DPYD: variants seen among roughly 807,000 people sequenced by gnomAD.
DPYD encodes the protein dihydropyrimidine dehydrogenase.
DPYD carries 109 observed loss-of-function variants against 116.2 expected under a neutral mutation model. That is an observed-to-expected ratio of 0.94 (90% CI 0.80 to 1.10). The LOEUF is 1.10. Ranked by LOEUF, DPYD falls within the 50% of genes least tolerant of loss-of-function variation. The probability of loss-of-function intolerance (pLI) is 0.00; values close to 1 mark genes in which losing one functional copy is unlikely to be tolerated. For synonymous variants in DPYD, 440 were observed against 432.0 expected (o/e 1.02, Z -0.23); for missense variants, 1,302 against 1,254.5 (o/e 1.04, Z -0.57).
chr1:97,241,371 A>C (rs768527366), intron 18 of DPYD, among the ~76,000 whole-genome samples: 6 of 152,012 alleles, frequency 3.9e-5, no homozygotes, highest in Non-Finnish European at 8.8e-5. Flanking sequence ...TACACTGTGT[A>C]CTTTAACCCT....
intron 5 of DPYD, among the ~76,000 whole-genome samples, chr1:97,715,704 G>C (rs766588730): frequency 6.6e-6 from 1 of 151,964 alleles, no homozygotes; most frequent in Non-Finnish European, 1.5e-5. Flanking sequence ...ATAATACACA[G>C]CTAGAGTATT....
intron 8 of DPYD, among the ~76,000 whole-genome samples, chr1:97,647,577 A>C (rs969816088): frequency 2.0e-5 from 3 of 152,018 alleles, no homozygotes; most frequent in Non-Finnish European, 4.4e-5. Context: ...TATACAATGT[A>C]TAATAAAATA....
chr1:97,553,327 G>A (rs949160249), intron 11 of DPYD, among the ~76,000 whole-genome samples: 1 of 151,704 alleles, frequency 6.6e-6, no homozygotes, highest in Non-Finnish European at 1.5e-5. Flanking sequence ...CTCAAATCAA[G>A]GATTCAGTGA....
At chr1:97,238,586 C>T (rs1481893476) in intron 18 of DPYD, among the ~76,000 whole-genome samples, 1 of 151,894 alleles carries the variant, frequency 6.6e-6, no homozygotes, top group Non-Finnish European at 1.5e-5. Flanking sequence ...ATATCAATGC[C>T]ATACAAAATT....
At chr1:97,329,990 C>T (rs779914125) in intron 16 of DPYD, among the ~76,000 whole-genome samples, 11 of 151,316 alleles carry the variant, frequency 7.3e-5, no homozygotes, top group Non-Finnish European at 1.3e-4. Flanking sequence ...AATGTATTTC[C>T]ATCTCAAAAA....
chr1:97,628,068 T>C (rs911771537), intron 8 of DPYD, among the ~76,000 whole-genome samples: 6 of 151,986 alleles, frequency 3.9e-5, no homozygotes, highest in Admixed American at 2.6e-4. Context: ...AGGCACAGAC[T>C]CTTCATGATA....
At chr1:97,294,231 T>G (rs1666384305) in intron 18 of DPYD, among the ~76,000 whole-genome samples, 1 of 152,172 alleles carries the variant, frequency 6.6e-6, no homozygotes, top group South Asian at 2.1e-4. Context: ...ACACACTAAT[T>G]AACATTTCTC....
chr1:97,724,463 T>C (rs533560873), intron 4 of DPYD, among the ~76,000 whole-genome samples: 1 of 151,418 alleles, frequency 6.6e-6, no homozygotes, highest in Admixed American at 6.6e-5. Flanking sequence ...GAAGAGCCAA[T>C]GTTTTAGTTC....
At chr1:97,329,732 G>A (rs990137211) in intron 16 of DPYD, among the ~76,000 whole-genome samples, 3 of 145,262 alleles carry the variant, frequency 2.1e-5, no homozygotes, top group East Asian at 2.0e-4. Flanking sequence ...CAGCCTGGGC[G>A]ACAGAGTGAA....
chr1:97,633,334 G>A (rs760607200), intron 8 of DPYD, among the ~76,000 whole-genome samples: 14 of 152,084 alleles, frequency 9.2e-5, no homozygotes, highest in South Asian at 2.1e-4. Flanking sequence ...AACTAAAAGC[G>A]TCATGGGGAT....
chr1:97,148,250 GTGT>G (rs768573303), intron 20 of DPYD, among the ~76,000 whole-genome samples: 1,837 of 132,182 alleles, frequency 0.014, 45 homozygotes, highest in Non-Finnish European at 0.017. Context: ...GTGTGTGTGT[GTGT>G]GGGGGGGGTG....
intron 5 of DPYD, among the ~76,000 whole-genome samples, chr1:97,713,333 A>G (rs1300984523): frequency 6.6e-6 from 1 of 152,168 alleles, no homozygotes; most frequent in Non-Finnish European, 1.5e-5. Flanking sequence ...AATGTAGAAA[A>G]AAGTAACCGC....
intron 3 of DPYD, among the ~76,000 whole-genome samples, chr1:97,776,181 C>T (rs1368419903): frequency 2.6e-5 from 4 of 151,986 alleles, no homozygotes; most frequent in African/African-American, 7.3e-5. Flanking sequence ...CTTTTTTCAC[C>T]ACTGATTGTA....
intron 20 of DPYD, among the ~76,000 whole-genome samples, chr1:97,124,270 G>A (rs1652666158): frequency 6.6e-6 from 1 of 151,728 alleles, no homozygotes; most frequent in African/African-American, 2.4e-5. Context: ...TCATTAGTTT[G>A]ACCAGACAGA....
intron 8 of DPYD, among the ~76,000 whole-genome samples, chr1:97,653,314 T>A (rs532138590): frequency 4.0e-5 from 6 of 151,802 alleles, no homozygotes; most frequent in Non-Finnish European, 5.9e-5. Context: ...TTTTTTTTTT[T>A]TTTTTTATTT....
At chr1:97,629,519 A>C (rs1657126689) in intron 8 of DPYD, among the ~76,000 whole-genome samples, 1 of 151,864 alleles carries the variant, frequency 6.6e-6, no homozygotes, top group African/African-American at 2.4e-5. Context: ...TCCTCCTCCA[A>C]TGTTGTCATC....
chr1:97,197,758 G>A (rs1373120425), intron 19 of DPYD, among the ~76,000 whole-genome samples: 1 of 152,128 alleles, frequency 6.6e-6, no homozygotes, highest in Non-Finnish European at 1.5e-5. Flanking sequence ...TTATCATACA[G>A]GGTTGGTGTT....
intron 7 of DPYD, among the ~76,000 whole-genome samples, chr1:97,687,725 C>A (rs1208644395): frequency 1.3e-5 from 2 of 152,036 alleles, no homozygotes; most frequent in African/African-American, 4.8e-5. Context: ...TGGAATCAAC[C>A]AAAATGCCCA....
intron 16 of DPYD, among the ~76,000 whole-genome samples, chr1:97,314,993 C>G (rs1667731123): frequency 6.6e-6 from 1 of 151,978 alleles, no homozygotes; most frequent in Non-Finnish European, 1.5e-5. Flanking sequence ...AAGCAGGGCT[C>G]AGACCCTGCA....
Sources: gnomAD v4.1 joint callset for allele counts (sites outside exome capture counted in the v4.1 genomes callset) on GRCh38, gnomAD v4.1.1 for gene constraint, MANE v1.5 for transcripts, NCBI Gene and HGNC (gene_info 2026-07-23, HGNC 2026-07-21) for gene names.